FASTKD1: variants seen among roughly 807,000 people sequenced by gnomAD.
FASTKD1 encodes FAST kinase domains 1.
FASTKD1 carries 94 observed loss-of-function variants against 90.9 expected under a neutral mutation model. The ratio of observed to expected loss-of-function variants is 1.03; its 90% CI spans 0.88 to 1.23. The LOEUF (loss-of-function observed/expected upper bound fraction) is 1.23. Ranked by LOEUF, FASTKD1 falls within the 50% of genes most tolerant of loss-of-function variation. FASTKD1 has a pLI of 0.00. For missense variants in FASTKD1, 945 were observed against 993.5 expected (o/e 0.95, Z 0.66); for synonymous variants, 319 against 345.8 (o/e 0.92, Z 0.86).
At chr2:169,553,901 G>A (rs943837789) in intron 7 of FASTKD1, among the ~76,000 whole-genome samples, 15 of 151,504 alleles carry the variant, frequency 9.9e-5, no homozygotes, top group Admixed American at 7.9e-4. Context: ...CAGCCTGGGC[G>A]ACAGAGCGAG....
intron 4 of FASTKD1, among the ~76,000 whole-genome samples, chr2:169,562,033 T>C (rs1490005226): frequency 7.2e-6 from 1 of 138,428 alleles, no homozygotes; most frequent in African/African-American, 2.6e-5. Context: ...AATTATTTAT[T>C]AATTTATTGT....
chr2:169,537,498 C>T (rs1343528728), intron 11 of FASTKD1, among the ~76,000 whole-genome samples, 158 bp from the exon 12 acceptor site: 1 of 152,058 alleles, frequency 6.6e-6, no homozygotes, highest in Non-Finnish European at 1.5e-5. Flanking sequence ...AATTCTCCTG[C>T]CTCAGCCTCC....
rs1684353459 is a variant in FASTKD1 at position 169,528,508 on chromosome 2, G to A, written c.*1317C>T. On this transcript the variant is annotated 3_prime_UTR_variant, in exon 15 of 15. Transcript: ENST00000453153. ...GGTTGGGGATTATATCACACAGTAGGCCCTTAGTAACCATTTTATTGAATA... is the reference window on the plus strand; with the variant it reads ...GGTTGGGGATTATATCACACAGTAGACCCTTAGTAACCATTTTATTGAATA... 6.6e-6 allele frequency among the ~76,000 whole-genome samples: 1 copy of A among 152,066 alleles called. No homozygotes were observed. Among genetic ancestry groups the A allele is most frequent in the South Asian group, 2.1e-4 (1 of 4,818 alleles).
chr2:169,555,022 A>G (rs1308989041), intron 7 of FASTKD1, 102 bp downstream of exon 7: 3 of 1,070,664 alleles, frequency 2.8e-6, no homozygotes, highest in Non-Finnish European at 4.0e-6. Context: ...AAGCTTCACA[A>G]TTTTGCCTCC....
chr2:169,558,254 G>C (rs924968968), intron 5 of FASTKD1, among the ~76,000 whole-genome samples: 2 of 152,014 alleles, frequency 1.3e-5, no homozygotes, highest in Admixed American at 6.6e-5. Flanking sequence ...AAGTTTGTTC[G>C]TGTGTGTGTT....
intron 4 of FASTKD1, among the ~76,000 whole-genome samples, chr2:169,561,970 TAATTATTCATTA>T (rs1683684263): frequency 1.4e-4 from 18 of 125,298 alleles, no homozygotes; most frequent in Admixed American, 4.5e-4. Context: ...TATTGTAAAT[TAATTATTCATTA>T]ATTTATTGTA....
rs1461486470 is a variant in FASTKD1 at position 169,538,127 on chromosome 2, G to A, written c.1960C>T (p.Arg654Ter). The A allele has an allele frequency of 1.0e-5, 16 of 1,600,046 alleles. No individual in the cohort carries two copies. The highest frequency in any genetic ancestry group is 1.7e-4 in the Middle Eastern group (1 of 6,008). Reference sequence around the variant, plus strand: ...AGATGAAACTGGACTCTTGCACTTCGAGATGGAGATAAAACTGAAATTAAT... The same window carrying A: ...AGATGAAACTGGACTCTTGCACTTCAAGATGGAGATAAAACTGAAATTAAT... ...DSQLEILSPS[R>*]SARVQFHLME... The change falls in exon 11 of 15, where the codon CGA becomes TGA. Residue 654 changes from arginine to a stop codon, truncating the protein, a stop_gained. Transcript: ENST00000453153. LOFTEE classifies it high-confidence loss of function.
intron 13 of FASTKD1, 174 bp downstream of exon 13, chr2:169,531,178 A>T: frequency 2.5e-6 from 2 of 784,700 alleles, no homozygotes; most frequent in Non-Finnish European, 2.3e-6. Context: ...TTTGGACAGA[A>T]GAAGGGAGAA....
intron 3 of FASTKD1, among the ~76,000 whole-genome samples, chr2:169,567,483 G>T (rs1269182584): frequency 6.6e-6 from 1 of 152,008 alleles, no homozygotes; most frequent in African/African-American, 2.4e-5. Flanking sequence ...AAGACAGATG[G>T]GTTTAGCTAA....
At chr2:169,549,837 G>C (rs1473292609) in intron 7 of FASTKD1, among the ~76,000 whole-genome samples, 4 of 152,138 alleles carry the variant, frequency 2.6e-5, no homozygotes, top group African/African-American at 9.7e-5. Flanking sequence ...AGGGTGTACT[G>C]ATACAGGCAT....
intron 13 of FASTKD1, 26 bp downstream of exon 13, chr2:169,531,326 C>T (rs1436945992): frequency 6.2e-6 from 10 of 1,603,602 alleles, no homozygotes; most frequent in Admixed American, 3.3e-5. Context: ...GATATTAATA[C>T]AATCTAAAAC....
In FASTKD1 at chr2:169,562,002, T is replaced by TTAATTTATTGTAAATTAA. The variant is rs1208490294; in HGVS notation, c.573-1218_573-1217insTTAATTTACAATAAATTA. On this transcript the variant is annotated intron_variant, in intron 4 of 14. Transcript: ENST00000453153. ...TCATTAATTTATTGTAAATTAATTA[T>TTAATTTATTGTAAATTAA]TCATTAATTTATTGTAAATTAATTA... is the stretch of plus-strand genomic sequence containing the variant. Among the ~76,000 whole-genome samples the TTAATTTATTGTAAATTAA allele has an allele frequency of 1.0e-4, 12 of 114,854 alleles. 2 individuals are homozygous for TTAATTTATTGTAAATTAA. Among genetic ancestry groups the TTAATTTATTGTAAATTAA allele is most frequent in the African/African-American group, 4.1e-4 (11 of 26,758 alleles). The allele number at this position is 114,854 out of a possible 152,430, so 75.3% of individuals were successfully genotyped here. A position where few individuals can be genotyped will look rare whatever the true frequency, so the allele number is the denominator to read the frequency against.
chr2:169,536,063 T>C (rs1684711120), intron 12 of FASTKD1, among the ~76,000 whole-genome samples: 2 of 152,076 alleles, frequency 1.3e-5, no homozygotes, highest in Non-Finnish European at 2.9e-5. Context: ...GGAGGATCGC[T>C]TGAGCCCAGG....
At chr2:169,539,466 A>C (rs948109956) in intron 10 of FASTKD1, among the ~76,000 whole-genome samples, 8 of 151,676 alleles carry the variant, frequency 5.3e-5, no homozygotes, top group African/African-American at 1.9e-4. Context: ...TAAAAAATTT[A>C]ACAAATTAAA....
At chr2:169,557,875 C>A (rs1375248046) in intron 5 of FASTKD1, among the ~76,000 whole-genome samples, 1 of 152,152 alleles carries the variant, frequency 6.6e-6, no homozygotes, top group Non-Finnish European at 1.5e-5. Context: ...TTTTTAGAAT[C>A]ATTTAGAAAG....
chr2:169,546,186 T>C (rs1183941799), intron 8 of FASTKD1, 32 bp downstream of exon 8: 11 of 1,512,202 alleles, frequency 7.3e-6, no homozygotes, highest in African/African-American at 1.4e-5. Context: ...TTGACAACTC[T>C]ATAAAATTAA....
intron 12 of FASTKD1, among the ~76,000 whole-genome samples, chr2:169,531,891 G>GAGTA (rs1216545744): frequency 1.3e-5 from 2 of 152,198 alleles, no homozygotes; most frequent in African/African-American, 2.4e-5. Context: ...TTGTACATAA[G>GAGTA]AGTAACTAAA....
chr2:169,542,316 A>C (rs1178919493), intron 9 of FASTKD1, among the ~76,000 whole-genome samples: 1 of 152,172 alleles, frequency 6.6e-6, no homozygotes, highest in Non-Finnish European at 1.5e-5. Flanking sequence ...GTTACTGAGC[A>C]TTTCTCCTCT....
chr2:169,548,891 G>C (rs183448777), intron 7 of FASTKD1, among the ~76,000 whole-genome samples: 5 of 151,522 alleles, frequency 3.3e-5, no homozygotes, highest in Admixed American at 2.6e-4. Flanking sequence ...TCAGGAGATC[G>C]AGACCATTCT....
Sources: allele counts gnomAD v4.1 joint callset (sites outside exome capture counted in the v4.1 genomes callset), GRCh38; gene constraint gnomAD v4.1.1; transcripts MANE v1.5; gene names NCBI Gene and HGNC (gene_info 2026-07-23, HGNC 2026-07-21).